THSD7B: variants seen among roughly 807,000 people sequenced by gnomAD.
The protein encoded by THSD7B is thrombospondin type 1 domain containing 7B.
In THSD7B, 138 loss-of-function variants were observed where a neutral mutation model predicts 213.6. The observed-to-expected ratio is 0.65, with a 90% confidence interval of 0.56 to 0.74. THSD7B has a LOEUF of 0.74. Ranked by LOEUF, THSD7B falls within the 30% of genes least tolerant of loss-of-function variation. The probability of loss-of-function intolerance (pLI) is 0.00; values close to 1 mark genes in which losing one functional copy is unlikely to be tolerated. For synonymous variants in THSD7B, 742 were observed against 687.0 expected, an observed-to-expected ratio of 1.08 and a Z score of -1.25; for missense variants, 1,931 against 1,991.5, an observed-to-expected ratio of 0.97 and a Z score of 0.58.
chr2:136,922,500 T>G (rs937783639), intron 2 of THSD7B, among the ~76,000 whole-genome samples: 2 of 152,186 alleles, frequency 1.3e-5, no homozygotes, highest in African/African-American at 4.8e-5. Flanking sequence ...GTTGGTAATC[T>G]TTTCAGTCTA....
chr2:137,263,123 T>C (rs1044855208), intron 10 of THSD7B, among the ~76,000 whole-genome samples: 5 of 152,148 alleles, frequency 3.3e-5, no homozygotes, highest in African/African-American at 1.2e-4. Context: ...CTTCTGAGTG[T>C]GTTGCGTCTG....
chr2:137,123,034 G>C (rs1235852225), intron 5 of THSD7B, among the ~76,000 whole-genome samples: 1 of 152,174 alleles, frequency 6.6e-6, no homozygotes, highest in Non-Finnish European at 1.5e-5. Context: ...TATCTGGCAT[G>C]TGAAAATTGC....
intron 12 of THSD7B, among the ~76,000 whole-genome samples, chr2:137,403,323 A>G (rs555894149): frequency 6.6e-6 from 1 of 152,348 alleles, no homozygotes; most frequent in East Asian, 1.9e-4. Context: ...GTTCAGACAG[A>G]CATATTATCT....
chr2:137,144,373 A>G lies in THSD7B; in HGVS notation c.1370-15840A>G, dbSNP rs370590947. ...TAGTATTTCATTTAGAATTGAATTC[A>G]TATAACCACACTAATTTATTTATGT... On this transcript the variant is annotated intron_variant, in intron 5 of 27. Coordinates refer to ENST00000409968, the MANE Select transcript of THSD7B (RefSeq NM_001316349.2). Among the ~76,000 whole-genome samples the G allele has an allele frequency of 2.1e-4, 32 of 152,252 alleles. 1 individual carries two copies. Among genetic ancestry groups the G allele is most frequent in the African/African-American group, 7.5e-4 (31 of 41,558 alleles).
At chr2:137,412,235 C>T (rs1558788755) in intron 14 of THSD7B, among the ~76,000 whole-genome samples, 1 of 150,590 alleles carries the variant, frequency 6.6e-6, no homozygotes. Context: ...ACATAGAAGG[C>T]ATCAGAACTT....
At chr2:136,864,544 T>C (rs1278418197) in intron 1 of THSD7B, among the ~76,000 whole-genome samples, 1 of 152,160 alleles carries the variant, frequency 6.6e-6, no homozygotes, top group Non-Finnish European at 1.5e-5. Context: ...TTTATCATTT[T>C]CTATATTTTC....
At chr2:136,868,559 C>G (rs549464973) in intron 1 of THSD7B, among the ~76,000 whole-genome samples, 1 of 152,288 alleles carries the variant, frequency 6.6e-6, no homozygotes, top group South Asian at 2.1e-4. Flanking sequence ...TACAGTTTAA[C>G]TGGATAATTC....
intron 2 of THSD7B, among the ~76,000 whole-genome samples, chr2:136,983,168 A>G (rs535534870): frequency 5.5e-4 from 83 of 152,286 alleles, no homozygotes; most frequent in African/African-American, 1.9e-3. Context: ...TTTTAAGCAA[A>G]ATAGTGAAAA....
At chr2:136,934,702 A>G (rs769251288) in intron 2 of THSD7B, among the ~76,000 whole-genome samples, 4 of 152,184 alleles carry the variant, frequency 2.6e-5, no homozygotes, top group Admixed American at 6.5e-5. Flanking sequence ...TTATTACAAA[A>G]AGAAGAAATT....
rs920794269 is a variant in THSD7B, at chr2:137,617,530, T to G, written c.3566-862T>G. 2.6e-5 allele frequency among the ~76,000 whole-genome samples: 4 copies of G among 152,210 alleles called. No homozygotes were observed. The East Asian group carries it at 7.7e-4, about 29-fold the overall frequency. ...GTTTCTGTAACAGTCCATACAGTTTTGTGTGCCCTTCCCTCTTTCTTTCCC... is the reference window on the plus strand; with the variant it reads ...GTTTCTGTAACAGTCCATACAGTTTGGTGTGCCCTTCCCTCTTTCTTTCCC... On this transcript the variant is annotated intron_variant, in intron 18 of 27. Transcript: ENST00000409968.
chr2:137,019,730 ATTAT>A lies in THSD7B; in HGVS notation c.140-36684_140-36681del, dbSNP rs1686408458. ...ATTATATTGTGAGCACCTATAATTT[ATTAT>A]TTATTATAGTCTCCTTAGAGACTAG... On this transcript the variant is annotated intron_variant, in intron 2 of 27. Coordinates refer to ENST00000409968, the MANE Select transcript of THSD7B (RefSeq NM_001316349.2). 6.6e-5 allele frequency among the ~76,000 whole-genome samples: 10 copies of A among 152,156 alleles called. No individual in the cohort carries two copies. The South Asian group carries it at 2.1e-3, about 32-fold the overall frequency.
At chr2:137,137,934 T>A (rs1410862104) in intron 5 of THSD7B, among the ~76,000 whole-genome samples, 1 of 152,112 alleles carries the variant, frequency 6.6e-6, no homozygotes, top group Non-Finnish European at 1.5e-5. Context: ...GGTCTCACTC[T>A]GTTGCTCAGG....
At chr2:137,187,767 A>G (rs1680577912) in intron 7 of THSD7B, among the ~76,000 whole-genome samples, 2 of 152,206 alleles carry the variant, frequency 1.3e-5, no homozygotes, top group Admixed American at 1.3e-4. Context: ...TTGATAGACT[A>G]TCATATTCAA....
chr2:137,008,039 A>G (rs929994885), intron 2 of THSD7B, among the ~76,000 whole-genome samples: 3 of 152,182 alleles, frequency 2.0e-5, no homozygotes, highest in Non-Finnish European at 2.9e-5. Flanking sequence ...TGTCAAAGCT[A>G]TAAGACTTGA....
rs542550295 is a variant in THSD7B, at chr2:137,582,802, G to A, written c.3423+10246G>A. The stretch of plus-strand genomic sequence containing the variant: ...GTGAATACTGCCGCAATAAACATAC[G>A]TGTGCATGTGTCTTTATAGCAGCAT... On this transcript the variant is annotated intron_variant, in intron 17 of 27. Transcript: ENST00000409968. Among the ~76,000 whole-genome samples the A allele has an allele frequency of 1.8e-4, 28 of 152,226 alleles. No individual in the cohort carries two copies. The East Asian group carries it at 4.8e-3, about 26-fold the overall frequency.
intron 12 of THSD7B, among the ~76,000 whole-genome samples, chr2:137,324,324 G>A (rs1684321229): frequency 6.6e-6 from 1 of 152,122 alleles, no homozygotes; most frequent in African/African-American, 2.4e-5. Context: ...AATGACAGAA[G>A]ATACTGTATC....
At chr2:137,275,058 T>C (rs930100355) in intron 11 of THSD7B, among the ~76,000 whole-genome samples, 2 of 152,100 alleles carry the variant, frequency 1.3e-5, no homozygotes, top group African/African-American at 4.8e-5. Context: ...TCTGTAGTTA[T>C]ACTTAGGGTT....
At chr2:137,656,311 T>A (rs1683235684) in intron 22 of THSD7B, among the ~76,000 whole-genome samples, 1 of 152,098 alleles carries the variant, frequency 6.6e-6, no homozygotes, top group Non-Finnish European at 1.5e-5. Context: ...GATACATTTA[T>A]ACAAATTATA....
chr2:136,926,958 T>C (rs550019346), intron 2 of THSD7B, among the ~76,000 whole-genome samples: 1 of 152,338 alleles, frequency 6.6e-6, no homozygotes, highest in South Asian at 2.1e-4. Context: ...CTGAATTGGT[T>C]CAGTTATCTT....
Sources: allele counts gnomAD v4.1 joint callset (sites outside exome capture counted in the v4.1 genomes callset), GRCh38; gene constraint gnomAD v4.1.1; transcripts MANE v1.5; gene names NCBI Gene and HGNC (gene_info 2026-07-23, HGNC 2026-07-21).